The following NF1 variants were observed in gnomAD, a reference collection of about 807,000 sequenced individuals.
NF1 encodes neurofibromin 1, also known as neurofibromin.
Under a neutral mutation model 325.7 loss-of-function variants are expected in NF1, and 122 were observed. The observed-to-expected ratio is 0.37, with a 90% CI of 0.32 to 0.44. The LOEUF is 0.44. Ranked by LOEUF, NF1 falls within the 20% of genes least tolerant of loss-of-function variation. The pLI is 1.00. For synonymous variants in NF1, 1,091 were observed against 1,186.0 expected, an observed-to-expected ratio of 0.92 and a Z score of 1.65; for missense variants, 2,140 against 3,415.4, an observed-to-expected ratio of 0.63 and a Z score of 9.31.
rs137981254 is a variant in NF1, at chr17:31,157,588, G to C, written c.205-1422G>C. Reference sequence around the variant, plus strand: ...CATAGTGATCCCACTAGGGTAATTAGCATATCCATCATCTCAATATTTATC... The same window carrying C: ...CATAGTGATCCCACTAGGGTAATTACCATATCCATCATCTCAATATTTATC... On this transcript the variant is annotated intron_variant, in intron 2 of 57. Transcript: ENST00000358273. 3.1e-3 allele frequency among the ~76,000 whole-genome samples: 476 copies of C among 152,168 alleles called. 2 individuals carry two copies. Among genetic ancestry groups the C allele is most frequent in the Admixed American group, 5.2e-3 (80 of 15,284 alleles).
chr17:31,296,940 T>C (rs1338902908), intron 36 of NF1: 1 of 153,236 alleles, frequency 6.5e-6, no homozygotes, highest in Non-Finnish European at 1.5e-5. Flanking sequence ...GTGATTTTTT[T>C]CTGTATATTT....
chr17:31,197,435 C>T (rs1453647779), intron 8 of NF1, among the ~76,000 whole-genome samples: 2 of 149,934 alleles, frequency 1.3e-5, no homozygotes, highest in African/African-American at 2.5e-5. Flanking sequence ...ATATTGTTAC[C>T]TTAACAATCT....
At chr17:31,356,352 C>A in intron 51 of NF1, 108 bp from the exon 52 acceptor site, 1 of 1,152,430 alleles carries the variant, frequency 8.7e-7, no homozygotes, top group Non-Finnish European at 1.3e-6. Context: ...TCTTTGAGTC[C>A]TCAGTGAAAG....
intron 57 of NF1, among the ~76,000 whole-genome samples, chr17:31,364,948 A>C (rs1597874646): frequency 6.6e-6 from 1 of 152,180 alleles, no homozygotes; most frequent in Non-Finnish European, 1.5e-5. Context: ...TATGATCCTT[A>C]TTAGGTCCAG....
intron 52 of NF1, 142 bp downstream of exon 52, chr17:31,356,724 C>A: frequency 8.0e-7 from 1 of 1,248,978 alleles, no homozygotes; most frequent in South Asian, 1.4e-5. Flanking sequence ...TAAACTCTAC[C>A]ATTCAAGACA....
At chr17:31,275,548 T>A (rs2067990192) in intron 36 of NF1, among the ~76,000 whole-genome samples, 1 of 152,234 alleles carries the variant, frequency 6.6e-6, no homozygotes, top group South Asian at 2.1e-4. Context: ...CACAGGTATT[T>A]CTGTATAGGA....
chr17:31,292,553 T>G (rs1318333018), intron 36 of NF1, among the ~76,000 whole-genome samples: 2 of 152,042 alleles, frequency 1.3e-5, no homozygotes, highest in African/African-American at 4.8e-5. Flanking sequence ...GTATGTGGGT[T>G]TCACATCCCA....
chr17:31,312,446 G>A (rs1239829747), intron 36 of NF1, among the ~76,000 whole-genome samples: 1 of 151,652 alleles, frequency 6.6e-6, no homozygotes, highest in Non-Finnish European at 1.5e-5. Flanking sequence ...GGGAGGCGGA[G>A]GTTGCAGTGA....
intron 37 of NF1, 127 bp from the exon 38 acceptor site, chr17:31,327,372 A>G (rs1219185386): frequency 4.2e-5 from 30 of 707,780 alleles, no homozygotes; most frequent in Non-Finnish European, 5.0e-6. Context: ...TTGAATATAC[A>G]ATGGTGGGAA....
intron 5 of NF1, among the ~76,000 whole-genome samples, chr17:31,172,500 A>G (rs1488407685): frequency 3.3e-5 from 5 of 152,152 alleles, no homozygotes; most frequent in Admixed American, 2.0e-4. Flanking sequence ...AACATTTGTT[A>G]TATTTTCAGT....
chr17:31,234,159 G>A (rs944093591), intron 27 of NF1, among the ~76,000 whole-genome samples: 1 of 152,158 alleles, frequency 6.6e-6, no homozygotes, highest in Non-Finnish European at 1.5e-5. Flanking sequence ...GTATAATACA[G>A]TATTGCTGTC....
intron 50 of NF1, 100 bp downstream of exon 50, chr17:31,350,418 G>C (rs2070111533): frequency 2.1e-6 from 2 of 955,770 alleles, no homozygotes; most frequent in African/African-American, 3.2e-5. Context: ...GGTAACATGG[G>C]AGAAATCTAG....
At chr17:31,181,565 A>G in intron 6 of NF1, 76 bp downstream of exon 6, 1 of 1,430,566 alleles carries the variant, frequency 7.0e-7, no homozygotes, top group Non-Finnish European at 9.9e-7. Context: ...CTGAATCAAA[A>G]AGTTATGACT....
chr17:31,184,639 C>G (rs571299478), intron 8 of NF1, among the ~76,000 whole-genome samples: 2 of 142,838 alleles, frequency 1.4e-5, no homozygotes, highest in Non-Finnish European at 3.1e-5. Context: ...GACAGCGAGA[C>G]TCCGTCTCAA....
At chr17:31,354,201 C>T (rs1597863864) in intron 51 of NF1, among the ~76,000 whole-genome samples, 1 of 152,048 alleles carries the variant, frequency 6.6e-6, no homozygotes, top group East Asian at 1.9e-4. Flanking sequence ...CTCCAGGTGC[C>T]ATTAAAATGA....
intron 57 of NF1, among the ~76,000 whole-genome samples, chr17:31,370,477 T>C (rs1259619763): frequency 6.6e-6 from 1 of 152,226 alleles, no homozygotes; most frequent in Non-Finnish European, 1.5e-5. Context: ...TAGCTTGTTT[T>C]GTACCCTCAA....
chr17:31,295,069 A>G, intron 36 of NF1: 7 of 1,614,174 alleles, frequency 4.3e-6, no homozygotes, highest in Non-Finnish European at 5.9e-6. Flanking sequence ...TTACTTTCCA[A>G]GCATTTGCCA....
intron 25 of NF1, 38 bp from the exon 26 acceptor site, chr17:31,232,662 G>A (rs2067133091): frequency 6.4e-7 from 1 of 1,556,792 alleles, no homozygotes; most frequent in South Asian, 1.1e-5. Flanking sequence ...AGTTGATACG[G>A]CCTTCACTAT....
Position 31,301,972 on chromosome 17 carries a change from G to A in NF1, c.4836-23848G>A, listed in dbSNP as rs1040296585. 3.9e-5 allele frequency among the ~76,000 whole-genome samples: 6 copies of A among 152,142 alleles called. No homozygotes were observed. In the South Asian group the frequency reaches 6.2e-4, roughly 16 times the overall value. ...TCTTTTCTCTAAAAGATTTTTCTTT[G>A]TTCCAGCATTTTCTTCTGTCCTGCA... On this transcript the variant is annotated intron_variant, in intron 36 of 57. Transcript: ENST00000358273.
Sources: gnomAD v4.1 joint callset for allele counts (sites outside exome capture counted in the v4.1 genomes callset) on GRCh38, gnomAD v4.1.1 for gene constraint, MANE v1.5 for transcripts, NCBI Gene and HGNC (gene_info 2026-07-23, HGNC 2026-07-21) for gene names.